Variants in ASZ1 observed in about 807,000 individuals in gnomAD.
The protein encoded by ASZ1 is ankyrin repeat, SAM and basic leucine zipper domain containing 1.
In ASZ1, 67 loss-of-function variants were observed where a neutral mutation model predicts 61.8. That is an observed-to-expected ratio of 1.08 (90% CI 0.89 to 1.33). The LOEUF is 1.33. Ranked by LOEUF, ASZ1 falls within the 40% of genes most tolerant of loss-of-function variation. ASZ1 has a pLI of 0.00. For synonymous variants in ASZ1, 193 were observed against 192.7 expected, an observed-to-expected ratio of 1.00 and a Z score of -0.01; for missense variants, 577 against 554.5, an observed-to-expected ratio of 1.04 and a Z score of -0.41.
At chr7:117,364,082 T>G (rs531520528) in intron 12 of ASZ1, among the ~76,000 whole-genome samples, 1 of 152,258 alleles carries the variant, frequency 6.6e-6, no homozygotes, top group Non-Finnish European at 1.5e-5. Context: ...ACAATTGATA[T>G]TGATTTGCTT....
chr7:117,365,303 A>G (rs1437831854), intron 12 of ASZ1, among the ~76,000 whole-genome samples: 3 of 152,186 alleles, frequency 2.0e-5, no homozygotes, highest in African/African-American at 7.2e-5. Flanking sequence ...GTCACGGGAA[A>G]AAGGTCTTCT....
chr7:117,423,197 GA>G (rs1797130500), intron 2 of ASZ1, among the ~76,000 whole-genome samples: 1 of 152,088 alleles, frequency 6.6e-6, no homozygotes, highest in Non-Finnish European at 1.5e-5. Flanking sequence ...ATCAGGTATT[GA>G]AAGTAAGTTT....
chr7:117,396,287 T>A (rs1796574018), intron 4 of ASZ1, among the ~76,000 whole-genome samples: 1 of 152,230 alleles, frequency 6.6e-6, no homozygotes, highest in Non-Finnish European at 1.5e-5. Flanking sequence ...TTTTCTTGCA[T>A]AACTGAATTG....
intron 6 of ASZ1, among the ~76,000 whole-genome samples, chr7:117,383,363 T>A (rs1334452895): frequency 6.6e-6 from 1 of 151,976 alleles, no homozygotes; most frequent in Admixed American, 6.6e-5. Flanking sequence ...TCAGGGTAAT[T>A]GGGATATCTA....
rs1294561136 is a variant in ASZ1, at chr7:117,387,308, C to CAACAACA, written c.441-1506_441-1500dup. On this transcript the variant is annotated intron_variant, in intron 4 of 12. Transcript: ENST00000284629. ...AGGCAACCAGAGTGAGACCCTGTCT[C>CAACAACA]AACAACAACAACAACAACAACAACA... Among the ~76,000 whole-genome samples the CAACAACA allele has an allele frequency of 1.9e-3, 65 of 34,650 alleles. No homozygotes were observed. In the African/African-American group the frequency reaches 0.025, roughly 13 times the overall value. 22.7% of individuals were successfully genotyped at this position (34,650 alleles called of 152,430 possible).
intron 4 of ASZ1, among the ~76,000 whole-genome samples, chr7:117,395,679 C>T (rs1326267879): frequency 6.6e-6 from 1 of 152,082 alleles, no homozygotes; most frequent in Non-Finnish European, 1.5e-5. Context: ...AAAACTACTA[C>T]ACTGTATGAT....
At chr7:117,372,250 C>T (rs974364093) in intron 10 of ASZ1, among the ~76,000 whole-genome samples, 1 of 152,140 alleles carries the variant, frequency 6.6e-6, no homozygotes, top group Non-Finnish European at 1.5e-5. Flanking sequence ...TAGTACCAGT[C>T]CCCCGATCCC....
intron 4 of ASZ1, among the ~76,000 whole-genome samples, chr7:117,386,047 A>T (rs563557901): frequency 6.6e-6 from 1 of 152,342 alleles, no homozygotes; most frequent in East Asian, 1.9e-4. Flanking sequence ...TAAATGTATT[A>T]AAAATACATG....
At position 117,407,670 on chromosome 7, in the gene ASZ1, T is replaced by A. The variant is rs1361784081; in HGVS notation, c.440+12493A>T. On this transcript the variant is annotated intron_variant, in intron 4 of 12. Transcript: ENST00000284629. ...TGATCTTTCTCTCAAAATATCTTAT[T>A]GTACTATATTCACCCTTTTTCTTCT... Among the ~76,000 whole-genome samples, 3 of 152,222 alleles carry A rather than the reference T, an allele frequency of 2.0e-5. No homozygotes were observed. In the East Asian group the frequency reaches 5.8e-4, roughly 29 times the overall value.
At chr7:117,379,890 A>C (rs1471417677) in intron 10 of ASZ1, 48 bp downstream of exon 10, 3 of 1,219,274 alleles carry the variant, frequency 2.5e-6, no homozygotes, top group Non-Finnish European at 3.5e-6. Flanking sequence ...AAAAAGAACA[A>C]TTGGTTCTTA....
intron 4 of ASZ1, among the ~76,000 whole-genome samples, chr7:117,393,756 A>G (rs1796521889): frequency 6.6e-6 from 1 of 151,998 alleles, no homozygotes; most frequent in Non-Finnish European, 1.5e-5. Context: ...ACATTTTTGC[A>G]CTTTCTGTTT....
chr7:117,423,900 A>C (rs1797149351), intron 2 of ASZ1, among the ~76,000 whole-genome samples: 1 of 151,830 alleles, frequency 6.6e-6, no homozygotes, highest in Non-Finnish European at 1.5e-5. Context: ...TTAGTATAAA[A>C]ATTCTTACTA....
intron 10 of ASZ1, 126 bp from the exon 11 acceptor site, chr7:117,368,843 C>A: frequency 8.7e-6 from 13 of 1,493,236 alleles, no homozygotes; most frequent in Non-Finnish European, 1.2e-5. Context: ...CATGGAATAG[C>A]TAATACAGAT....
At chr7:117,395,910 C>G (rs545360390) in intron 4 of ASZ1, among the ~76,000 whole-genome samples, 4 of 152,270 alleles carry the variant, frequency 2.6e-5, no homozygotes, top group African/African-American at 7.2e-5. Flanking sequence ...TACAACCACT[C>G]AACTCTGCTG....
chr7:117,370,153 G>T (rs1796020877), intron 10 of ASZ1, among the ~76,000 whole-genome samples: 1 of 152,132 alleles, frequency 6.6e-6, no homozygotes, highest in African/African-American at 2.4e-5. Flanking sequence ...TTCAGAGTCG[G>T]TGAACCTCAA....
intron 4 of ASZ1, among the ~76,000 whole-genome samples, chr7:117,391,656 A>G (rs1392977636): frequency 6.6e-6 from 1 of 152,060 alleles, no homozygotes; most frequent in Non-Finnish European, 1.5e-5. Flanking sequence ...CTACATGTCT[A>G]TGTCTGTACC....
chr7:117,424,626 C>G (rs1473745751), intron 2 of ASZ1, among the ~76,000 whole-genome samples: 3 of 152,208 alleles, frequency 2.0e-5, no homozygotes, highest in Non-Finnish European at 4.4e-5. Context: ...CATATCAAGT[C>G]TTAATCCTTC....
chr7:117,418,732 C>G (rs1797044919), intron 4 of ASZ1, among the ~76,000 whole-genome samples: 1 of 151,344 alleles, frequency 6.6e-6, no homozygotes, highest in Non-Finnish European at 1.5e-5. Context: ...GAGGTGGAGG[C>G]AGGCAGATTG....
intron 10 of ASZ1, among the ~76,000 whole-genome samples, chr7:117,370,568 G>T (rs1796029533): frequency 6.6e-6 from 1 of 152,104 alleles, no homozygotes; most frequent in Non-Finnish European, 1.5e-5. Context: ...AGAAAAGTTG[G>T]TCAAGGCTAT....
Sources: gnomAD v4.1 joint callset for allele counts (sites outside exome capture counted in the v4.1 genomes callset) on GRCh38, gnomAD v4.1.1 for gene constraint, MANE v1.5 for transcripts, NCBI Gene and HGNC (gene_info 2026-07-23, HGNC 2026-07-21) for gene names.